PPM1M: variants seen among roughly 807,000 people sequenced by gnomAD.
PPM1M encodes the protein protein phosphatase 1M.
A neutral mutation model predicts 50.8 loss-of-function variants in PPM1M; 44 were observed. That is an observed-to-expected ratio of 0.87 (90% CI 0.68 to 1.11). The LOEUF (loss-of-function observed/expected upper bound fraction) is 1.11, where lower values mean the gene tolerates loss of function less well. PPM1M is among the 50% of genes most tolerant of loss of function. The pLI is 0.00. For synonymous variants in PPM1M, 224 were observed against 242.9 expected (o/e 0.92, Z 0.72); for missense variants, 556 against 593.4 (o/e 0.94, Z 0.66).
chr3:52,249,714 A>G lies in PPM1M; in HGVS notation c.1280A>G (p.Lys427Arg). 5.0e-6 allele frequency: 8 copies of G among 1,613,966 alleles called. No homozygotes were observed. The highest frequency in any genetic ancestry group is 6.8e-6 in the Non-Finnish European group (8 of 1,179,862). ...AQMLIHSTQGKEDSLTEEGQV... is the reference protein window; with the variant it reads ...AQMLIHSTQGREDSLTEEGQV... ...ATGCTGATACACAGCACACAGGGAA[A>G]GGAAGACAGTCTCACAGAGGAAGGG... The change falls in exon 10 of 10, where the codon AAG (lysine) becomes AGG (arginine). Residue 427 changes from lysine (K) to arginine (R), a missense_variant. Transcript: ENST00000323588.
chr3:52,247,780 T>A lies in PPM1M; in HGVS notation c.696T>A (p.Asn232Lys). ...VSLQGKLYMANAGDSRAILVR... is the reference protein window; with the variant it reads ...VSLQGKLYMAKAGDSRAILVR... Reference sequence around the variant, plus strand: ...TGCAGGGAAAGCTGTACATGGCCAATGCTGGGGATAGCAGGTGAGTCACCC... The same window carrying A: ...TGCAGGGAAAGCTGTACATGGCCAAAGCTGGGGATAGCAGGTGAGTCACCC... The change falls in exon 4 of 10, where the codon AAT becomes AAA. Residue 232 changes from asparagine (N) to lysine (K), a missense_variant. Transcript: ENST00000323588. The A allele has an allele frequency of 7.2e-7, 1 of 1,381,346 alleles. No homozygotes were observed. Among genetic ancestry groups the A allele is most frequent in the Non-Finnish European group, 9.7e-7 (1 of 1,028,256 alleles). The allele number at this position is 1,381,346 out of a possible 1,614,324, so 85.6% of individuals were successfully genotyped here.
chr3:52,248,002 C>T (rs1699891006), intron 4 of PPM1M, 151 bp from the exon 5 acceptor site: 2 of 795,278 alleles, frequency 2.5e-6, no homozygotes, highest in Non-Finnish European at 4.1e-6. Flanking sequence ...AAGCCTTCAC[C>T]CTTGCAGGTC....
intron 1 of PPM1M, 25 bp downstream of exon 1, chr3:52,246,073 G>A: frequency 9.2e-7 from 1 of 1,086,056 alleles, no homozygotes; most frequent in Non-Finnish European, 1.1e-6. Flanking sequence ...CCGACCCCCA[G>A]CTCAGGCCCG....
At chr3:52,247,532 CT>C (rs941549303) in intron 3 of PPM1M, 149 bp from the exon 4 acceptor site, 1 of 676,638 alleles carries the variant, frequency 1.5e-6, no homozygotes, top group African/African-American at 1.8e-5. Context: ...GATCTCCTGA[CT>C]GCAGGGATCT....
In PPM1M at chr3:52,248,940, CCT is replaced by C; in HGVS notation, c.979-14_979-13del. The C allele has an allele frequency of 6.3e-7, 1 of 1,586,514 alleles. No individual in the cohort carries two copies. The highest frequency in any genetic ancestry group is 8.6e-7 in the Non-Finnish European group (1 of 1,163,342). On this transcript the variant is annotated splice_polypyrimidine_tract_variant and intron_variant, in intron 7 of 9. Coordinates refer to ENST00000323588, the MANE Select transcript of PPM1M (RefSeq NM_144641.4). ...TGGAGCTGTTTGCCATCGCCTCACA[CCT>C]CACTTTCCCTCAGGCTCGGTTACTA...
Position 52,249,298 on chromosome 3 carries a change from C to T in PPM1M, c.1211C>T (p.Pro404Leu), listed in dbSNP as rs754700050. ...GCATGGCTGGTGCGGAGCTTCCTCC[C>T]TGGGAACCAAGAGGACCCACACAGG... ...QVAWLVRSFL[P>L]GNQEDPHRFS... Residue 404 changes from proline (P) to leucine (L), a missense_variant, in exon 9 of 10, where the codon CCT (proline) becomes CTT (leucine). Physicochemically the swap from Pro to Leu is moderately conservative, Grantham distance 98 (BLOSUM62 -3). Transcript: ENST00000323588. 13 of 1,608,238 alleles carry T rather than the reference C, an allele frequency of 8.1e-6. No individual in the cohort carries two copies. The Admixed American group carries it at 2.0e-4, about 25-fold the overall frequency.
In PPM1M at chr3:52,247,240, G is replaced by T. The variant is rs367863020; in HGVS notation, c.597+12G>T. On this transcript the variant is annotated intron_variant, in intron 3 of 9. Coordinates refer to ENST00000323588, the MANE Select transcript of PPM1M (RefSeq NM_144641.4). ...CCTTTCAGGAATGTGTGAGTGTGTG[G>T]CTTTTGGCTGGGGAAGAAGTGGAGA... The T allele has an allele frequency of 5.6e-5, 90 of 1,602,076 alleles. No individual in the cohort carries two copies. The highest frequency in any genetic ancestry group is 7.1e-5 in the Non-Finnish European group (83 of 1,173,190).
At chr3:52,247,939 T>C (rs1026735130) in intron 4 of PPM1M, 145 bp downstream of exon 4, 31 of 741,430 alleles carry the variant, frequency 4.2e-5, no homozygotes, top group Non-Finnish European at 6.8e-5. Context: ...GTGTCGAGTG[T>C]GGACAGTGGC....
chr3:52,249,876 A>G lies in PPM1M; in HGVS notation c.*62A>G. 2.0e-6 allele frequency: 3 copies of G among 1,521,982 alleles called. No homozygotes were observed. Among genetic ancestry groups the G allele is most frequent in the East Asian group, 4.7e-5 (2 of 42,842 alleles). 94.3% of individuals were successfully genotyped at this position (1,521,982 alleles called of 1,614,324 possible). On this transcript the variant is annotated 3_prime_UTR_variant, in exon 10 of 10. Transcript: ENST00000323588. ...CCGGGTGTGGTCTGGGCATCCCTCCAGTGTGACCAAGAGCAAATCCTGCCT... is the reference window on the plus strand; with the variant it reads ...CCGGGTGTGGTCTGGGCATCCCTCCGGTGTGACCAAGAGCAAATCCTGCCT...
rs1426830205 is a variant in PPM1M at position 52,249,040 on chromosome 3, C to T, written c.1063C>T (p.Pro355Ser). The stretch of plus-strand genomic sequence containing the variant: ...CCTGGACACAAACATCCAGCTCAAG[C>T]CCTTCTTGCTCTCTGTGCCACAGGT... The part of the protein sequence containing the change: ...RVLDTNIQLK[P>S]FLLSVPQVTV... The change falls in exon 8 of 10, where the codon CCC becomes TCC. Residue 355 changes from proline to serine, a missense_variant. By Grantham distance (74) the Pro-to-Ser change is moderately conservative. Transcript: ENST00000323588. The T allele has an allele frequency of 6.2e-7, 1 of 1,610,790 alleles. No homozygotes were observed. The highest frequency in any genetic ancestry group is 8.5e-7 in the Non-Finnish European group (1 of 1,178,564).
chr3:52,247,677 C>T lies in PPM1M; in HGVS notation c.598-5C>T. The T allele has an allele frequency of 6.3e-7, 1 of 1,589,144 alleles. No homozygotes were observed. The highest frequency in any genetic ancestry group is 8.6e-7 in the Non-Finnish European group (1 of 1,166,122). ...AGCAGCTAAGGTGGCCTCGGTTTTC[C>T]CCAGGATGAGGTGATCGGGCGGGAG... On this transcript the variant is annotated splice_region_variant and splice_polypyrimidine_tract_variant and intron_variant, in intron 3 of 9. Coordinates refer to ENST00000323588, the MANE Select transcript of PPM1M (RefSeq NM_144641.4).
chr3:52,249,238 A>G lies in PPM1M; in HGVS notation c.1151A>G (p.Asp384Gly). Residue 384 changes from aspartate (D) to glycine (G), a missense_variant, in exon 9 of 10, where the codon GAT becomes GGT. Asp to Gly is a moderately conservative substitution (Grantham distance 94). Transcript: ENST00000323588. ...GATGATGTGGTTGTCATGGCAACTG[A>G]TGGACTCTGGGATGTACTGTCCAAC... The part of the protein sequence containing the change: ...QEDDVVVMAT[D>G]GLWDVLSNEQ... 1 of 1,613,902 alleles carries G rather than the reference A, an allele frequency of 6.2e-7. No individual in the cohort carries two copies. The highest frequency in any genetic ancestry group is 1.1e-5 in the South Asian group (1 of 91,042).
rs929493765 is a variant in PPM1M, at chr3:52,248,988, G to A, written c.1011G>A (p.Arg337=). The A allele has an allele frequency of 3.1e-6, 5 of 1,610,156 alleles. No individual in the cohort carries two copies. Among genetic ancestry groups the A allele is most frequent in the African/African-American group, 1.3e-5 (1 of 74,910 alleles). ...ARLLGTLAVS[R]GLGDHQLRVL... is the part of the protein sequence containing the mutation. ...TACTAGGAACACTGGCTGTCTCCCGGGGCCTGGGAGACCATCAGCTCAGAG... is the reference window on the plus strand; with the variant it reads ...TACTAGGAACACTGGCTGTCTCCCGAGGCCTGGGAGACCATCAGCTCAGAG... The change falls in exon 8 of 10, where the codon CGG becomes CGA. Residue 337 remains arginine (R), a synonymous_variant. Coordinates refer to ENST00000323588, the MANE Select transcript of PPM1M (RefSeq NM_144641.4).
rs773421709 is a variant in PPM1M at position 52,247,004 on chromosome 3, G to A, written c.373G>A (p.Asp125Asn). The stretch of plus-strand genomic sequence containing the variant: ...GACAGGCCATTACTGGGCACTGTTC[G>A]ATGGGCACGGCGGTCCTGCAGCAGC... ...FLTGHYWALF[D>N]GHGGPAAAIL... The change falls in exon 3 of 10, where the codon GAT becomes AAT. Residue 125 changes from aspartate (D) to asparagine (N), a missense_variant. Physicochemically the swap from Asp to Asn is conservative, Grantham distance 23. Coordinates refer to ENST00000323588, the MANE Select transcript of PPM1M (RefSeq NM_144641.4). The A allele has an allele frequency of 5.2e-6, 8 of 1,547,960 alleles. No homozygotes were observed. The highest frequency in any genetic ancestry group is 2.0e-5 in the Admixed American group (1 of 50,940).
chr3:52,246,259 G>A (rs980359238), intron 1 of PPM1M: 4 of 1,027,176 alleles, frequency 3.9e-6, no homozygotes, highest in Admixed American at 5.7e-5. Flanking sequence ...AGAGAAGACA[G>A]GAGGTCGGGA....
At chr3:52,248,539 C>G in intron 6 of PPM1M, 86 bp downstream of exon 6, 1 of 1,577,042 alleles carries the variant, frequency 6.3e-7, no homozygotes. Flanking sequence ...TCCACCTTGG[C>G]AGGGTGGCAC....
At chr3:52,246,152 A>T in intron 1 of PPM1M, 104 bp downstream of exon 1, 1 of 1,029,832 alleles carries the variant, frequency 9.7e-7, no homozygotes, top group Non-Finnish European at 1.2e-6. Context: ...GTCCCCACCC[A>T]CCTGTGGACA....
chr3:52,247,559 A>C (rs1365268313), intron 3 of PPM1M, 123 bp from the exon 4 acceptor site: 5 of 724,890 alleles, frequency 6.9e-6, no homozygotes, highest in Non-Finnish European at 1.2e-5. Context: ...GTATGGCTGG[A>C]CTTTGGGCTG....
At chr3:52,246,564 T>A (rs1365001808) in intron 1 of PPM1M, 131 bp from the exon 2 acceptor site, 1 of 508,622 alleles carries the variant, frequency 2.0e-6, no homozygotes, top group Non-Finnish European at 3.3e-6. Context: ...TGTCTAAGTG[T>A]GTGTTAGGGA....
Sources: gnomAD v4.1 joint callset for allele counts on GRCh38, gnomAD v4.1.1 for gene constraint, MANE v1.5 for transcripts, NCBI Gene and HGNC (gene_info 2026-07-23, HGNC 2026-07-21) for gene names.